Variants in DACH1 observed in about 807,000 individuals in gnomAD.
DACH1 encodes dachshund homolog 1.
Under a neutral mutation model 54.2 loss-of-function variants are expected in DACH1, and 12 were observed. That is an observed-to-expected ratio of 0.22 (90% CI 0.14 to 0.36). The LOEUF is 0.36. Ranked by LOEUF, DACH1 falls within the 10% of genes least tolerant of loss-of-function variation. DACH1 has a pLI of 1.00. For missense variants in DACH1, 805 were observed against 929.8 expected, an observed-to-expected ratio of 0.87 and a Z score of 1.75; for synonymous variants, 386 against 366.2, an observed-to-expected ratio of 1.05 and a Z score of -0.62.
At chr13:71,757,784 A>C (rs969788209) in intron 1 of DACH1, among the ~76,000 whole-genome samples, 1 of 151,936 alleles carries the variant, frequency 6.6e-6, no homozygotes, top group Non-Finnish European at 1.5e-5. Context: ...CGGCCTCCCA[A>C]CGTGCTGGGA....
chr13:71,548,198 T>C, intron 6 of DACH1, among the ~76,000 whole-genome samples: 1 of 152,298 alleles, frequency 6.6e-6, no homozygotes, highest in Non-Finnish European at 1.5e-5. Context: ...TGATTAGCCA[T>C]AAGATAAAAA....
At chr13:71,465,761 G>A (rs547825453) in intron 10 of DACH1, among the ~76,000 whole-genome samples, 9 of 151,976 alleles carry the variant, frequency 5.9e-5, no homozygotes, top group East Asian at 1.9e-4. Context: ...AAAAATTAAC[G>A]TATTGACTAT....
chr13:71,796,280 T>G (rs303941), intron 1 of DACH1, among the ~76,000 whole-genome samples: 77,774 of 151,866 alleles, frequency 0.51, 21,388 homozygotes, highest in East Asian at 0.86. Context: ...AAATTAAGGG[T>G]TCCTTCAGAT....
At position 71,589,806 on chromosome 13, in the gene DACH1, A is replaced by G. The variant is rs772890357; in HGVS notation, c.1127-16794T>C. 8.5e-5 allele frequency among the ~76,000 whole-genome samples: 13 copies of G among 152,164 alleles called. No homozygotes were observed. In the South Asian group the frequency reaches 2.1e-3, roughly 24 times the overall value. On this transcript the variant is annotated intron_variant, in intron 3 of 10. Coordinates refer to ENST00000613252, the MANE Select transcript of DACH1 (RefSeq NM_080759.6). ...AAAAAGAACAAAATTTGCTAACTTA[A>G]TATAATTGATGTTTTATATTATCAT...
At chr13:71,763,166 T>C (rs1885474965) in intron 1 of DACH1, among the ~76,000 whole-genome samples, 1 of 152,244 alleles carries the variant, frequency 6.6e-6, no homozygotes. Context: ...ACTGATTCCT[T>C]ATGACTGCTT....
At chr13:71,846,947 C>T (rs550618708) in intron 1 of DACH1, among the ~76,000 whole-genome samples, 13 of 152,200 alleles carry the variant, frequency 8.5e-5, no homozygotes, top group South Asian at 6.2e-4. Context: ...ACTGCTAATA[C>T]ATATACTCTT....
intron 1 of DACH1, among the ~76,000 whole-genome samples, chr13:71,744,462 T>C (rs1884525431): frequency 6.6e-6 from 1 of 152,156 alleles, no homozygotes; most frequent in Non-Finnish European, 1.5e-5. Flanking sequence ...TGGAGGACGG[T>C]AGAGCCAGAA....
At chr13:71,829,768 G>A (rs1035235278) in intron 1 of DACH1, among the ~76,000 whole-genome samples, 1 of 151,922 alleles carries the variant, frequency 6.6e-6, no homozygotes, top group Non-Finnish European at 1.5e-5. Flanking sequence ...ATCAAAGTAA[G>A]TACATTTGTT....
At chr13:71,501,148 C>T (rs538808003) in intron 6 of DACH1, among the ~76,000 whole-genome samples, 1 of 152,120 alleles carries the variant, frequency 6.6e-6, no homozygotes, top group African/African-American at 2.4e-5. Context: ...CGGCAATTCC[C>T]GTTTCCCTGA....
At chr13:71,507,465 A>T (rs1277886529) in intron 6 of DACH1, among the ~76,000 whole-genome samples, 1 of 152,138 alleles carries the variant, frequency 6.6e-6, no homozygotes, top group Non-Finnish European at 1.5e-5. Flanking sequence ...AAATTTAATC[A>T]GGAACTTTTT....
chr13:71,482,253 T>C (rs935001274), intron 7 of DACH1, among the ~76,000 whole-genome samples: 1 of 152,144 alleles, frequency 6.6e-6, no homozygotes. Context: ...TAAAGGGTAC[T>C]GTATCTAGCA....
chr13:71,671,887 T>C (rs907127946), intron 2 of DACH1, among the ~76,000 whole-genome samples: 3 of 152,102 alleles, frequency 2.0e-5, no homozygotes, highest in Non-Finnish European at 2.9e-5. Flanking sequence ...AATGTAGACT[T>C]CTCTGCAATT....
At chr13:71,727,625 A>G (rs2082188244) in intron 1 of DACH1, among the ~76,000 whole-genome samples, 1 of 152,132 alleles carries the variant, frequency 6.6e-6, no homozygotes, top group African/African-American at 2.4e-5. Flanking sequence ...CAATCAGCCA[A>G]TAAAGAGCTG....
chr13:71,793,886 G>T (rs1886932287), intron 1 of DACH1, among the ~76,000 whole-genome samples: 1 of 152,182 alleles, frequency 6.6e-6, no homozygotes, highest in African/African-American at 2.4e-5. Context: ...ACTTGACCAA[G>T]GTCGTACAGC....
chr13:71,461,316 G>A (rs767642601), intron 10 of DACH1, among the ~76,000 whole-genome samples: 1 of 152,028 alleles, frequency 6.6e-6, no homozygotes, highest in Admixed American at 6.6e-5. Context: ...GCAGTTAGGA[G>A]AAGTCATCGC....
At chr13:71,862,085 A>G (rs980214605) in intron 1 of DACH1, among the ~76,000 whole-genome samples, 10 of 152,112 alleles carry the variant, frequency 6.6e-5, no homozygotes, top group African/African-American at 2.4e-4. Context: ...CCTAAAAAAT[A>G]TATAAGACTA....
At chr13:71,489,902 A>G (rs1878846287) in intron 6 of DACH1, among the ~76,000 whole-genome samples, 1 of 152,186 alleles carries the variant, frequency 6.6e-6, no homozygotes, top group South Asian at 2.1e-4. Context: ...CTTATTGAAT[A>G]TTCTTCAAAT....
intron 1 of DACH1, among the ~76,000 whole-genome samples, chr13:71,685,233 C>G (rs1881102360): frequency 6.6e-6 from 1 of 152,120 alleles, no homozygotes; most frequent in African/African-American, 2.4e-5. Context: ...TATCTCCTGC[C>G]CAATCTATCA....
chr13:71,808,731 T>A (rs1202254120), intron 1 of DACH1, among the ~76,000 whole-genome samples: 1 of 152,154 alleles, frequency 6.6e-6, no homozygotes, highest in South Asian at 2.1e-4. Flanking sequence ...TTATTCAAGG[T>A]AAAACTTTCA....
Sources: allele counts gnomAD v4.1 joint callset (sites outside exome capture counted in the v4.1 genomes callset), GRCh38; gene constraint gnomAD v4.1.1; transcripts MANE v1.5; gene names NCBI Gene and HGNC (gene_info 2026-07-23, HGNC 2026-07-21).